PSD3: variants seen among roughly 807,000 people sequenced by gnomAD.
PSD3 encodes pleckstrin and Sec7 domain containing 3, also known as PH and SEC7 domain-containing protein 3.
PSD3 carries 49 observed loss-of-function variants against 105.5 expected under a neutral mutation model. That is an observed-to-expected ratio of 0.46 (90% CI 0.37 to 0.59). PSD3 has a LOEUF of 0.59. PSD3 is among the 20% of genes least tolerant of loss of function. The pLI is 0.00. For synonymous variants in PSD3, 557 were observed against 457.8 expected, an observed-to-expected ratio of 1.22 and a Z score of -2.77; for missense variants, 1,561 against 1,263.8, an observed-to-expected ratio of 1.24 and a Z score of -3.57.
chr8:18,546,008 C>T (rs2012350), intron 15 of PSD3, among the ~76,000 whole-genome samples: 151,294 of 152,252 alleles, frequency 0.99, 75,180 homozygotes, highest in Middle Eastern at 1. Flanking sequence ...TCTATTTATT[C>T]ATTTATTTTT....
chr8:18,827,705 A>G (rs1415045460), intron 4 of PSD3, among the ~76,000 whole-genome samples: 2 of 152,130 alleles, frequency 1.3e-5, no homozygotes, highest in Non-Finnish European at 2.9e-5. Context: ...GATGAGAAGG[A>G]TTCCATGTAA....
intron 8 of PSD3, among the ~76,000 whole-genome samples, chr8:18,778,772 A>C (rs1219434770): frequency 6.6e-6 from 1 of 152,084 alleles, no homozygotes; most frequent in Non-Finnish European, 1.5e-5. Flanking sequence ...TGATTTACAT[A>C]TAATAAACCA....
chr8:19,067,365 G>C (rs748924695), intron 1 of PSD3, among the ~76,000 whole-genome samples: 7 of 152,108 alleles, frequency 4.6e-5, no homozygotes, highest in Admixed American at 6.5e-5. Context: ...CTCATCCAAG[G>C]CTTCATTTGA....
At chr8:18,698,379 G>A (rs556538243) in intron 9 of PSD3, among the ~76,000 whole-genome samples, 30 of 152,186 alleles carry the variant, frequency 2.0e-4, no homozygotes, top group African/African-American at 6.5e-4. Context: ...TTGGCCTCCC[G>A]AAGTGCTAAG....
At chr8:18,742,271 C>G (rs1804633266) in intron 9 of PSD3, among the ~76,000 whole-genome samples, 1 of 152,034 alleles carries the variant, frequency 6.6e-6, no homozygotes, top group Non-Finnish European at 1.5e-5. Context: ...GAGAAAGAAA[C>G]AAACCAACCA....
chr8:18,711,031 C>A (rs1026085610), intron 9 of PSD3, among the ~76,000 whole-genome samples: 2 of 152,070 alleles, frequency 1.3e-5, no homozygotes, highest in Admixed American at 6.6e-5. Context: ...TAATATCTGG[C>A]CAAACTAAGC....
intron 1 of PSD3, among the ~76,000 whole-genome samples, chr8:18,937,111 T>C (rs17127470): frequency 0.045 from 6,922 of 152,306 alleles, 349 homozygotes; most frequent in East Asian, 0.21. Context: ...TAAGACCTCC[T>C]TCCTCGCTGT....
intron 1 of PSD3, among the ~76,000 whole-genome samples, chr8:19,030,713 T>A (rs1827737622): frequency 6.6e-6 from 1 of 152,112 alleles, no homozygotes. Flanking sequence ...AATTACCGTT[T>A]ATCATCTATG....
intron 9 of PSD3, among the ~76,000 whole-genome samples, chr8:18,712,417 C>A (rs1802310769): frequency 6.6e-6 from 1 of 151,732 alleles, no homozygotes; most frequent in South Asian, 2.1e-4. Flanking sequence ...TGAATACACA[C>A]AATAAAAATG....
intron 8 of PSD3, among the ~76,000 whole-genome samples, chr8:18,798,383 G>A (rs1018540090): frequency 6.6e-6 from 1 of 151,970 alleles, no homozygotes; most frequent in Admixed American, 6.6e-5. Flanking sequence ...TTGCTTTCTG[G>A]TGGTGGAACC....
At chr8:18,595,488 T>C (rs1172197930) in intron 12 of PSD3, among the ~76,000 whole-genome samples, 2 of 120,986 alleles carry the variant, frequency 1.7e-5, no homozygotes, top group African/African-American at 5.8e-5. Flanking sequence ...GAGGGACAGA[T>C]GCAGAGAGAG....
chr8:18,892,444 C>A (rs969994178), intron 2 of PSD3, among the ~76,000 whole-genome samples: 2 of 151,766 alleles, frequency 1.3e-5, no homozygotes, highest in East Asian at 3.9e-4. Flanking sequence ...AGGATGGTCT[C>A]GATCTCCTGA....
intron 11 of PSD3, 25 bp downstream of exon 11, chr8:18,632,588 G>A: frequency 6.3e-7 from 1 of 1,575,468 alleles, no homozygotes; most frequent in South Asian, 1.2e-5. Flanking sequence ...AAATGAAATA[G>A]AAAATGACAA....
At chr8:18,943,792 A>G (rs1385287550) in intron 1 of PSD3, among the ~76,000 whole-genome samples, 23 of 152,148 alleles carry the variant, frequency 1.5e-4, no homozygotes, top group African/African-American at 4.8e-5. Flanking sequence ...GAAGTTAAAG[A>G]TACCATAGCG....
intron 1 of PSD3, among the ~76,000 whole-genome samples, chr8:19,019,587 T>C (rs568866137): frequency 7.2e-5 from 11 of 152,332 alleles, no homozygotes; most frequent in African/African-American, 2.6e-4. Context: ...TCTTATTTAT[T>C]TGTTATTGTA....
At chr8:18,633,480 A>G (rs541592086) in intron 10 of PSD3, among the ~76,000 whole-genome samples, 1 of 152,206 alleles carries the variant, frequency 6.6e-6, no homozygotes, top group South Asian at 2.1e-4. Context: ...CCCAATGTTT[A>G]GCTTCCACTT....
At chr8:18,594,713 T>C (rs1247523342) in intron 12 of PSD3, among the ~76,000 whole-genome samples, 1 of 151,746 alleles carries the variant, frequency 6.6e-6, no homozygotes. Flanking sequence ...GTCACTTACA[T>C]AACATGACAC....
chr8:18,723,028 T>A (rs1803105976), intron 9 of PSD3, among the ~76,000 whole-genome samples: 1 of 152,198 alleles, frequency 6.6e-6, no homozygotes, highest in African/African-American at 2.4e-5. Context: ...TAAAATGTTT[T>A]CCATAATACT....
intron 1 of PSD3, among the ~76,000 whole-genome samples, chr8:18,988,637 C>T (rs944583002): frequency 6.6e-6 from 1 of 152,156 alleles, no homozygotes; most frequent in Non-Finnish European, 1.5e-5. Context: ...AGCTCTATTT[C>T]CAATCACACT....
Sources: allele counts gnomAD v4.1 joint callset (sites outside exome capture counted in the v4.1 genomes callset), GRCh38; gene constraint gnomAD v4.1.1; transcripts MANE v1.5; gene names NCBI Gene and HGNC (gene_info 2026-07-23, HGNC 2026-07-21).